The following FAAH2 variants were observed in gnomAD, a reference collection of about 807,000 sequenced individuals.
The protein encoded by FAAH2 is fatty-acid amide hydrolase 2.
A neutral mutation model predicts 36.9 loss-of-function variants in FAAH2; 60 were observed. That is an observed-to-expected ratio of 1.63 (90% CI 1.32 to 2.02). The LOEUF (loss-of-function observed/expected upper bound fraction) is 2.02, where lower values mean the gene tolerates loss of function less well. Ranked by LOEUF, FAAH2 falls within the 30% of genes most tolerant of loss-of-function variation. The pLI, the probability that FAAH2 is intolerant of heterozygous loss-of-function variation, is 0.00. For synonymous variants in FAAH2, 214 were observed against 143.8 expected, an observed-to-expected ratio of 1.49 and a Z score of -3.49; for missense variants, 689 against 397.5, an observed-to-expected ratio of 1.73 and a Z score of -6.23.
At chrX:57,192,635 G>C in the FAAH2 span, among the ~76,000 whole-genome samples, 17 of 111,746 alleles carry the variant, frequency 1.5e-4, no homozygotes, top group Middle Eastern at 0.014. Flanking sequence ...TCTACAGCCA[G>C]TTTGTTGAGG....
the FAAH2 span, among the ~76,000 whole-genome samples, chrX:57,234,225 C>T: frequency 3.9e-4 from 44 of 111,575 alleles, no homozygotes; most frequent in African/African-American, 1.4e-3. Context: ...CTACTTTCTT[C>T]AAACTTCACT....
At chrX:57,216,532 A>ATATATATACGTATATG in the FAAH2 span, among the ~76,000 whole-genome samples, 87 of 67,887 alleles carry the variant, frequency 1.3e-3, 3 homozygotes, top group Middle Eastern at 7.1e-3. Flanking sequence ...ATATGTATAT[A>ATATATATACGTATATG]TATATATATA....
chrX:57,292,908 A>T (rs2052026371), intron 2 of FAAH2, among the ~76,000 whole-genome samples: 1 of 111,256 alleles, frequency 9.0e-6, no homozygotes, highest in Admixed American at 9.6e-5. Context: ...TTTGGCAGTG[A>T]CTCTAATAGG....
intron 10 of FAAH2, among the ~76,000 whole-genome samples, chrX:57,484,436 TA>T (rs1388831562): frequency 9.0e-6 from 1 of 111,001 alleles, no homozygotes; most frequent in Non-Finnish European, 1.9e-5. Flanking sequence ...CTTCATGTCG[TA>T]AATAGGCAGG....
the FAAH2 span, among the ~76,000 whole-genome samples, chrX:57,233,287 T>G: frequency 0.014 from 1,596 of 111,692 alleles, 37 homozygotes; most frequent in African/African-American, 0.05. Flanking sequence ...TTGTAAACAC[T>G]TTGGTTTTAG....
At chrX:57,287,054 T>C in intron 1 of FAAH2, 37 bp downstream of exon 1, 1 of 1,106,538 alleles carries the variant, frequency 9.0e-7, no homozygotes, top group Non-Finnish European at 1.2e-6. Flanking sequence ...GAGGGACAGG[T>C]CTTTTAGCAG....
At chrX:57,475,941 T>C (rs1204670384) in intron 10 of FAAH2, among the ~76,000 whole-genome samples, 2 of 111,293 alleles carry the variant, frequency 1.8e-5, no homozygotes, top group Non-Finnish European at 3.8e-5. Context: ...AGGTATTTTA[T>C]TCTCTTTGTA....
the FAAH2 span, among the ~76,000 whole-genome samples, chrX:57,224,533 G>A: frequency 1.8e-5 from 2 of 111,406 alleles, no homozygotes; most frequent in East Asian, 5.7e-4. Flanking sequence ...GGCCACTTGT[G>A]TCAGCAGTGT....
At chrX:57,215,055 A>C in the FAAH2 span, among the ~76,000 whole-genome samples, 6 of 106,521 alleles carry the variant, frequency 5.6e-5, no homozygotes, top group Non-Finnish European at 1.2e-4. Flanking sequence ...TTTGCAATCT[A>C]CCCATCTGGC....
intron 4 of FAAH2, among the ~76,000 whole-genome samples, chrX:57,337,353 C>T (rs1391152952): frequency 9.2e-6 from 1 of 108,776 alleles, no homozygotes; most frequent in Non-Finnish European, 1.9e-5. Context: ...ACCATTTCTA[C>T]TGAAATTATT....
intron 1 of FAAH2, among the ~76,000 whole-genome samples, chrX:57,288,350 T>C (rs1046173373): frequency 1.2e-5 from 1 of 80,224 alleles, no homozygotes; most frequent in East Asian, 3.7e-4. Context: ...TTTTTTTTTT[T>C]TTTTTTTTTT....
intron 7 of FAAH2, among the ~76,000 whole-genome samples, chrX:57,418,224 C>G (rs996217950): frequency 9.0e-6 from 1 of 111,535 alleles, no homozygotes; most frequent in Non-Finnish European, 1.9e-5. Flanking sequence ...AGCCCTTTTT[C>G]CAGGGGAGTG....
At chrX:57,263,631 AAATAG>A in the FAAH2 span, among the ~76,000 whole-genome samples, 1 of 112,249 alleles carries the variant, frequency 8.9e-6, no homozygotes, top group Admixed American at 9.5e-5. Flanking sequence ...AAGGCAAAGA[AAATAG>A]AATAGCTTAT....
chrX:57,448,991 A>G (rs1248272406), intron 10 of FAAH2, among the ~76,000 whole-genome samples: 1 of 111,414 alleles, frequency 9.0e-6, no homozygotes, highest in Non-Finnish European at 1.9e-5. Context: ...CTTGTCTTCT[A>G]TCACTCAGTG....
intron 10 of FAAH2, among the ~76,000 whole-genome samples, chrX:57,457,585 A>G (rs1163596622): frequency 4.5e-5 from 5 of 110,479 alleles, no homozygotes; most frequent in Admixed American, 9.7e-5. Context: ...TGATAAATGA[A>G]TTCACTAAAA....
intron 10 of FAAH2, among the ~76,000 whole-genome samples, chrX:57,454,592 C>A (rs922456231): frequency 2.7e-5 from 3 of 111,518 alleles, no homozygotes; most frequent in African/African-American, 9.8e-5. Flanking sequence ...GATAAAATAT[C>A]CATTTTAAGA....
intron 7 of FAAH2, among the ~76,000 whole-genome samples, chrX:57,429,785 A>T (rs937049215): frequency 8.9e-6 from 1 of 111,893 alleles, no homozygotes; most frequent in African/African-American, 3.2e-5. Flanking sequence ...CTAAACTGTC[A>T]ATCAATGGAT....
At chrX:57,350,738 A>G (rs968480218) in intron 5 of FAAH2, among the ~76,000 whole-genome samples, 3 of 111,217 alleles carry the variant, frequency 2.7e-5, no homozygotes, top group African/African-American at 9.7e-5. Flanking sequence ...CATTAAGTCA[A>G]AAACAATTAA....
At chrX:57,241,306 T>C in the FAAH2 span, among the ~76,000 whole-genome samples, 1 of 112,431 alleles carries the variant, frequency 8.9e-6, no homozygotes, top group East Asian at 2.8e-4. Flanking sequence ...GATTTTATGA[T>C]GATGCCAAAA....
Sources: allele counts gnomAD v4.1 joint callset (sites outside exome capture counted in the v4.1 genomes callset), GRCh38; gene constraint gnomAD v4.1.1; transcripts MANE v1.5; gene names NCBI Gene and HGNC (gene_info 2026-07-23, HGNC 2026-07-21).